CNIH3: variants seen among roughly 807,000 people sequenced by gnomAD.
CNIH3 encodes cornichon family AMPA receptor auxiliary protein 3.
In CNIH3, 14 loss-of-function variants were observed where a neutral mutation model predicts 24.1. That is an observed-to-expected ratio of 0.58 (90% confidence interval 0.38 to 0.91). The LOEUF (loss-of-function observed/expected upper bound fraction) is 0.91. CNIH3 is among the 40% of genes least tolerant of loss of function. CNIH3 has a pLI of 0.00. For missense variants in CNIH3, 178 were observed against 196.8 expected, an observed-to-expected ratio of 0.90 and a Z score of 0.57; for synonymous variants, 68 against 73.8, an observed-to-expected ratio of 0.92 and a Z score of 0.40.
At chr1:224,502,947 C>T (rs1044436125) in intron 1 of CNIH3, among the ~76,000 whole-genome samples, 7 of 148,304 alleles carry the variant, frequency 4.7e-5, no homozygotes, top group East Asian at 2.0e-4. Context: ...GTGATGGGAT[C>T]GGAGCTTTGG....
At chr1:224,665,855 G>C (rs972089755) in intron 1 of CNIH3, among the ~76,000 whole-genome samples, 9 of 145,036 alleles carry the variant, frequency 6.2e-5, no homozygotes, top group Admixed American at 4.3e-4. Flanking sequence ...CAAGGATTCT[G>C]TCTGTAGGTT....
rs139199925 is a variant in CNIH3 at position 224,594,561 on chromosome 1, AGT to A, written n.402+28300_402+28301del. 2.4e-3 allele frequency among the ~76,000 whole-genome samples: 364 copies of A among 152,332 alleles called. 9 individuals carry two copies. In the East Asian group the frequency reaches 0.048, roughly 20 times the overall value. ...ACACAGGACCACAAGGGAAAGCACCAGTGTAGGTCAGGAGGCAGAAAGGGCCA... is the reference window on the plus strand; with the variant it reads ...ACACAGGACCACAAGGGAAAGCACCAGTAGGTCAGGAGGCAGAAAGGGCCA... On this transcript the variant is annotated intron_variant and non_coding_transcript_variant, in intron 3 of 7. Transcript: ENST00000478120.
chr1:224,690,963 A>G (rs1175954642), intron 3 of CNIH3, among the ~76,000 whole-genome samples: 1 of 152,182 alleles, frequency 6.6e-6, no homozygotes, highest in Non-Finnish European at 1.5e-5. Context: ...AGGAGTTATG[A>G]TGTGAAGTGA....
chr1:224,633,603 T>C (rs2125081879), intron 1 of CNIH3, among the ~76,000 whole-genome samples: 1 of 152,332 alleles, frequency 6.6e-6, no homozygotes, highest in South Asian at 2.1e-4. Context: ...TCTCTGTCCT[T>C]GAATCACTCT....
At chr1:224,453,534 A>G (rs1478638842) in intron 1 of CNIH3, among the ~76,000 whole-genome samples, 1 of 152,170 alleles carries the variant, frequency 6.6e-6, no homozygotes, top group Non-Finnish European at 1.5e-5. Context: ...AGTCACTGGA[A>G]GTTGCAACTC....
At chr1:224,672,200 T>C (rs1241077843) in intron 1 of CNIH3, among the ~76,000 whole-genome samples, 1 of 151,766 alleles carries the variant, frequency 6.6e-6, no homozygotes, top group Non-Finnish European at 1.5e-5. Context: ...TGAGCGTGGG[T>C]TTGGGGGACT....
chr1:224,738,943 C>T (rs1411182851), intron 5 of CNIH3, among the ~76,000 whole-genome samples: 1 of 152,122 alleles, frequency 6.6e-6, no homozygotes, highest in Non-Finnish European at 1.5e-5. Flanking sequence ...CTGGACACAG[C>T]CATCATGCAA....
intron 1 of CNIH3, among the ~76,000 whole-genome samples, chr1:224,640,342 T>C (rs1304266804): frequency 2.0e-5 from 3 of 152,224 alleles, no homozygotes; most frequent in Non-Finnish European, 4.4e-5. Flanking sequence ...CTTTCAGCTC[T>C]TGTGCTGTAG....
At chr1:224,517,655 A>G (rs1678450461) in intron 1 of CNIH3, among the ~76,000 whole-genome samples, 1 of 151,264 alleles carries the variant, frequency 6.6e-6, no homozygotes, top group Middle Eastern at 3.4e-3. Flanking sequence ...AAATCCACAT[A>G]GTCTATGATA....
intron 1 of CNIH3, among the ~76,000 whole-genome samples, chr1:224,463,181 G>A (rs749649914): frequency 7.2e-5 from 11 of 152,044 alleles, no homozygotes; most frequent in African/African-American, 1.2e-4. Flanking sequence ...CAGGCGTGAG[G>A]CACTGTGCCT....
At chr1:224,454,408 A>G in intron 1 of CNIH3, 2 of 732,838 alleles carry the variant, frequency 2.7e-6, no homozygotes, top group Non-Finnish European at 3.3e-6. Context: ...AACCATCCAG[A>G]GAGCAGGAGA....
In CNIH3 at chr1:224,704,666, T is replaced by C. The variant is rs988401987; in HGVS notation, c.198+19823T>C. Among the ~76,000 whole-genome samples, 1 of 152,158 alleles carries C rather than the reference T, an allele frequency of 6.6e-6. No homozygotes were observed. Among genetic ancestry groups the C allele is most frequent in the African/African-American group, 2.4e-5 (1 of 41,434 alleles). Reference sequence around the variant, plus strand: ...TACATCATGGATCTGCATCCCCAAATACATCCTCCGACATAACCACAATAC... The same window carrying C: ...TACATCATGGATCTGCATCCCCAAACACATCCTCCGACATAACCACAATAC... On this transcript the variant is annotated intron_variant, in intron 3 of 5. Transcript: ENST00000272133. This position sits in a 1 kb window ranked among gnomAD's most constrained non-coding sequence, Gnocchi z 4.2.
In CNIH3 at chr1:224,531,827, A is replaced by G. The variant is rs1425036780; in HGVS notation, n.344-5109A>G. On this transcript the variant is annotated intron_variant and non_coding_transcript_variant, in intron 2 of 2. Coordinates refer to the CNIH3 transcript ENST00000470602. ...TGCAGCACAGAGGCAGATGAGAGAC[A>G]ATTGGCACAAATAAAACAAACGAAG... Among the ~76,000 whole-genome samples, 3 of 152,156 alleles carry G rather than the reference A, an allele frequency of 2.0e-5. No individual in the cohort carries two copies. The East Asian group carries it at 5.8e-4, about 29-fold the overall frequency.
intron 2 of CNIH3, among the ~76,000 whole-genome samples, chr1:224,529,741 C>A (rs1678989592): frequency 6.6e-6 from 1 of 152,168 alleles, no homozygotes; most frequent in Non-Finnish European, 1.5e-5. Flanking sequence ...ATAAGGGACT[C>A]CATGGGGAAA....
At chr1:224,569,644 C>T (rs1469551085) in intron 4 of CNIH3, among the ~76,000 whole-genome samples, 2 of 152,126 alleles carry the variant, frequency 1.3e-5, no homozygotes, top group African/African-American at 2.4e-5. Context: ...CTCTCACCAG[C>T]AGTGTGAGTG....
At position 224,684,378 on chromosome 1, in the gene CNIH3, A is replaced by G. The variant is rs540823275; in HGVS notation, c.151-418A>G. Among the ~76,000 whole-genome samples the G allele has an allele frequency of 7.4e-4, 112 of 152,350 alleles. No homozygotes were observed. Among genetic ancestry groups the G allele is most frequent in the Non-Finnish European group, 1.2e-3 (81 of 68,038 alleles). ...CTACCTTAGATACTAATGAGGGCACATACGCTCTTCGAGAACTAAGTGGGA... is the reference window on the plus strand; with the variant it reads ...CTACCTTAGATACTAATGAGGGCACGTACGCTCTTCGAGAACTAAGTGGGA... On this transcript the variant is annotated intron_variant, in intron 2 of 5. Transcript: ENST00000272133. This position sits in a 1 kb window ranked among gnomAD's most constrained non-coding sequence, Gnocchi z 4.2.
At chr1:224,665,964 G>A (rs1403460592) in intron 1 of CNIH3, among the ~76,000 whole-genome samples, 1 of 152,144 alleles carries the variant, frequency 6.6e-6, no homozygotes, top group Non-Finnish European at 1.5e-5. Flanking sequence ...GCCTGGCCAA[G>A]CCACCCTCTG....
intron 1 of CNIH3, among the ~76,000 whole-genome samples, chr1:224,453,107 A>G (rs1302513612): frequency 1.3e-5 from 2 of 151,708 alleles, no homozygotes; most frequent in Non-Finnish European, 2.9e-5. Flanking sequence ...GGCAACAGAA[A>G]GAGACTCCAT....
chr1:224,541,643 T>C (rs1283349555), downstream of CNIH3, among the ~76,000 whole-genome samples: 2 of 152,222 alleles, frequency 1.3e-5, no homozygotes, highest in African/African-American at 4.8e-5. Flanking sequence ...AGCCATGCTA[T>C]TGCTTCTCAA....
Sources: gnomAD v4.1 joint callset for allele counts (sites outside exome capture counted in the v4.1 genomes callset) on GRCh38, gnomAD v4.1.1 for gene constraint, Gnocchi (gnomAD v3.1) non-coding constraint, MANE v1.5 for transcripts, NCBI Gene and HGNC (gene_info 2026-07-23, HGNC 2026-07-21) for gene names.